XPNPEP1: variants seen among roughly 807,000 people sequenced by gnomAD.
The protein encoded by XPNPEP1 is xaa-Pro aminopeptidase 1.
A neutral mutation model predicts 92.4 loss-of-function variants in XPNPEP1; 39 were observed. The ratio of observed to expected loss-of-function variants is 0.42; its 90% CI spans 0.33 to 0.55. XPNPEP1 has a LOEUF of 0.55. XPNPEP1 is among the 20% of genes least tolerant of loss of function. The pLI is 0.08. For synonymous variants in XPNPEP1, 307 were observed against 299.4 expected (o/e 1.03, Z -0.26); for missense variants, 654 against 856.1 (o/e 0.76, Z 2.95).
chr10:109,884,023 G>A, intron 9 of XPNPEP1, 44 bp downstream of exon 9: 1 of 1,590,880 alleles, frequency 6.3e-7, no homozygotes, highest in East Asian at 2.3e-5. Context: ...CTAGGGCTCT[G>A]AGGAGCTCTG....
chr10:109,897,267 C>T (rs1013916308), intron 3 of XPNPEP1, among the ~76,000 whole-genome samples: 1 of 134,990 alleles, frequency 7.4e-6, no homozygotes, highest in African/African-American at 2.7e-5. Flanking sequence ...CTGTAAACTA[C>T]AAAAAAAAAA....
chr10:109,916,947 A>G (rs1459711381), intron 1 of XPNPEP1, among the ~76,000 whole-genome samples: 2 of 152,220 alleles, frequency 1.3e-5, no homozygotes, highest in African/African-American at 4.8e-5. Context: ...AAAAGTACTC[A>G]GCAAACTAGA....
chr10:109,918,895 GGAAGGAAGGAAGGAAGGAAGGAGA>G (rs1850362068), intron 1 of XPNPEP1, among the ~76,000 whole-genome samples: 2 of 86,742 alleles, frequency 2.3e-5, no homozygotes, highest in African/African-American at 6.5e-5. Flanking sequence ...AAGGAAGGAA[GGAAGGAAGGAAGGAAGGAAGGAGA>G]GAGAGAAAAA....
At chr10:109,908,926 C>T (rs756111489) in intron 2 of XPNPEP1, among the ~76,000 whole-genome samples, 3 of 152,170 alleles carry the variant, frequency 2.0e-5, no homozygotes, top group Non-Finnish European at 4.4e-5. Flanking sequence ...ACCAGCTGTG[C>T]AAGGGAGAAG....
At chr10:109,889,922 C>T (rs756646370) in intron 5 of XPNPEP1, among the ~76,000 whole-genome samples, 1 of 152,108 alleles carries the variant, frequency 6.6e-6, no homozygotes, top group Non-Finnish European at 1.5e-5. Context: ...TGATTCTTTC[C>T]TATTTTTTTT....
chr10:109,897,359 T>TC (rs1203812272), intron 3 of XPNPEP1, among the ~76,000 whole-genome samples: 1 of 151,978 alleles, frequency 6.6e-6, no homozygotes, highest in Non-Finnish European at 1.5e-5. Flanking sequence ...TTTCAGAGGC[T>TC]CCCACATTTC....
intron 1 of XPNPEP1, among the ~76,000 whole-genome samples, chr10:109,917,095 T>G (rs1850235835): frequency 6.6e-6 from 1 of 151,764 alleles, no homozygotes; most frequent in African/African-American, 2.4e-5. Context: ...TGTCTACTCT[T>G]GGCATTTCTA....
chr10:109,882,320 C>A (rs1848145065), intron 10 of XPNPEP1, 112 bp downstream of exon 10: 2 of 1,279,554 alleles, frequency 1.6e-6, no homozygotes, highest in African/African-American at 2.9e-5. Flanking sequence ...TCCATGGAGA[C>A]CACAGTTCTG....
intron 20 of XPNPEP1, 66 bp from the exon 21 acceptor site, chr10:109,865,378 C>T: frequency 6.2e-7 from 1 of 1,602,872 alleles, no homozygotes; most frequent in Non-Finnish European, 8.5e-7. Flanking sequence ...CTACACAGGT[C>T]AACAGCAAAG....
intron 3 of XPNPEP1, among the ~76,000 whole-genome samples, chr10:109,903,527 T>C (rs1849397767): frequency 1.3e-5 from 2 of 152,276 alleles, no homozygotes; most frequent in South Asian, 4.2e-4. Flanking sequence ...AACTGTCCAA[T>C]GCTTGAAGGG....
intron 2 of XPNPEP1, among the ~76,000 whole-genome samples, chr10:109,911,334 C>T (rs1244881894): frequency 6.6e-6 from 1 of 152,112 alleles, no homozygotes; most frequent in African/African-American, 2.4e-5. Context: ...CCAGGCTGGA[C>T]TCCTGGGTTC....
intron 3 of XPNPEP1, among the ~76,000 whole-genome samples, chr10:109,902,665 T>C (rs1363386056): frequency 6.6e-6 from 1 of 152,198 alleles, no homozygotes; most frequent in Non-Finnish European, 1.5e-5. Context: ...GTGATGAAGA[T>C]GGAAGGACAG....
At chr10:109,880,157 T>A (rs1016945586) in intron 12 of XPNPEP1, 31 bp downstream of exon 12, 2 of 1,608,814 alleles carry the variant, frequency 1.2e-6, no homozygotes, top group East Asian at 4.5e-5. Context: ...ATAATGTATA[T>A]CCACATATTA....
Position 109,884,002 on chromosome 10 carries a change from G to C in XPNPEP1, c.830+65C>G, listed in dbSNP as rs993718608. ...GGCAGTGATGGGTGGGCCAGGACCA[G>C]AAAGGGCACACTAGGGCTCTGAGGA... On this transcript the variant is annotated intron_variant, in intron 9 of 20. Transcript: ENST00000502935. 4.1e-6 allele frequency: 6 copies of C among 1,478,876 alleles called. No homozygotes were observed. The African/African-American group carries it at 5.7e-5, about 14-fold the overall frequency. 91.6% of individuals were successfully genotyped at this position (1,478,876 alleles called of 1,614,324 possible).
At chr10:109,901,740 A>C (rs892432012) in intron 3 of XPNPEP1, among the ~76,000 whole-genome samples, 2 of 152,280 alleles carry the variant, frequency 1.3e-5, no homozygotes, top group Non-Finnish European at 2.9e-5. Context: ...ACTTCTAAGT[A>C]TGTTTAGAAC....
At position 109,867,586 on chromosome 10, in the gene XPNPEP1, C is replaced by T. The variant is rs774962046; in HGVS notation, c.1872+1028G>A. Among the ~76,000 whole-genome samples, 3 of 152,226 alleles carry T rather than the reference C, an allele frequency of 2.0e-5. No individual in the cohort carries two copies. Among genetic ancestry groups the T allele is most frequent in the Non-Finnish European group, 4.4e-5 (3 of 68,046 alleles). ...GCTGGGAGAATCCCATTCCACAGCT[C>T]CTGTGGAAGGGAAGGTCCTTAACCC... On this transcript the variant is annotated intron_variant, in intron 20 of 20. Transcript: ENST00000502935. The surrounding 1 kb of genome is among the most constrained non-coding windows in gnomAD (Gnocchi z 4.5).
At chr10:109,889,165 T>A (rs1848568120) in intron 5 of XPNPEP1, among the ~76,000 whole-genome samples, 1 of 152,234 alleles carries the variant, frequency 6.6e-6, no homozygotes, top group African/African-American at 2.4e-5. Flanking sequence ...TCCGAAGATT[T>A]TAAGAGAGGC....
At position 109,923,456 on chromosome 10, in the gene XPNPEP1, C is replaced by A. The variant is rs1439281483; in HGVS notation, c.-23G>T. On this transcript the variant is annotated 5_prime_UTR_variant, in exon 1 of 21. Transcript: ENST00000502935. ...CATTCGGCGGTGACGTGCCCCAGCCCACGTCAGGGGAGCGCAGACCAGCTG... is the reference window on the plus strand; with the variant it reads ...CATTCGGCGGTGACGTGCCCCAGCCAACGTCAGGGGAGCGCAGACCAGCTG... 7.0e-7 allele frequency: 1 copy of A among 1,426,430 alleles called. No individual in the cohort carries two copies. The highest frequency in any genetic ancestry group is 9.2e-7 in the Non-Finnish European group (1 of 1,087,660). The allele number at this position is 1,426,430 out of a possible 1,614,324, so 88.4% of individuals were successfully genotyped here.
intron 3 of XPNPEP1, among the ~76,000 whole-genome samples, chr10:109,906,849 G>A (rs1202493201): frequency 1.3e-5 from 2 of 152,050 alleles, no homozygotes; most frequent in Admixed American, 6.5e-5. Context: ...CATCCTTCAA[G>A]GTCCAATTCA....
Sources: gnomAD v4.1 joint callset for allele counts (sites outside exome capture counted in the v4.1 genomes callset) on GRCh38, gnomAD v4.1.1 for gene constraint, Gnocchi (gnomAD v3.1) non-coding constraint, MANE v1.5 for transcripts, NCBI Gene and HGNC (gene_info 2026-07-23, HGNC 2026-07-21) for gene names.